COL7A1: variants seen among roughly 807,000 people sequenced by gnomAD.
COL7A1 encodes the protein collagen type VII alpha 1 chain, also known as collagen alpha-1(VII) chain.
Under a neutral mutation model 456.2 loss-of-function variants are expected in COL7A1, and 296 were observed. The ratio of observed to expected loss-of-function variants is 0.65; its 90% CI spans 0.59 to 0.71. The LOEUF (loss-of-function observed/expected upper bound fraction) is 0.71. Among genes scored for constraint, COL7A1 ranks in the 30% least tolerant of loss-of-function variants. The pLI is 0.00. For missense variants in COL7A1, 3,441 were observed against 4,017.2 expected, an observed-to-expected ratio of 0.86 and a Z score of 3.88; for synonymous variants, 1,464 against 1,525.9, an observed-to-expected ratio of 0.96 and a Z score of 0.95.
In COL7A1 at chr3:48,583,728, T is replaced by G; in HGVS notation, c.4331A>C (p.Lys1444Thr). 1.2e-6 allele frequency: 2 copies of G among 1,613,998 alleles called. No individual in the cohort carries two copies. The highest frequency in any genetic ancestry group is 1.7e-6 in the Non-Finnish European group (2 of 1,179,966). Residue 1444 changes from lysine (K) to threonine (T), a missense_variant, in exon 40 of 119, where the codon AAA (lysine) becomes ACA (threonine). This residue lies in a region of COL7A1 where 2,084 missense variants were observed against 2,501.3 expected (regional missense o/e 0.83). Transcript: ENST00000681320. The surrounding 1 kb of genome is among the most constrained non-coding windows in gnomAD (Gnocchi z 5.1). ...AGTCAGCCTTCCTACTTTTTCTCCTTTCTTTCCAGGGGGGCCAACGGGGCC... is the reference window on the plus strand; with the variant it reads ...AGTCAGCCTTCCTACTTTTTCTCCTGTCTTTCCAGGGGGGCCAACGGGGCC... ...PQGPVGPPGK[K>T]GEKGDSEDGA...
In COL7A1 at chr3:48,575,874, C is replaced by T. The variant is rs143368099; in HGVS notation, c.5849G>A (p.Gly1950Asp). 3 of 1,614,046 alleles carry T rather than the reference C, an allele frequency of 1.9e-6. No individual in the cohort carries two copies. The African/African-American group carries it at 4.0e-5, about 22-fold the overall frequency. Residue 1950 changes from glycine (G) to aspartate (D), a missense_variant, in exon 72 of 119, where the codon GGC becomes GAC. Gly to Asp is a moderately conservative substitution (Grantham distance 94). Transcript: ENST00000681320. The surrounding 1 kb of genome is among the most constrained non-coding windows in gnomAD (Gnocchi z 6.3). ...PNVDRLLETA[G>D]IKASALREIV... ...AGCCCCTAAACAACCCACCTTGATG[C>T]CAGCAGTTTCCAGCAACCGATCCAC...
Position 48,571,252 on chromosome 3 carries a change from T to C in COL7A1, c.7095A>G (p.Lys2365=), listed in dbSNP as rs748904295. 11 of 1,614,016 alleles carry C rather than the reference T, an allele frequency of 6.8e-6. No individual in the cohort carries two copies. The highest frequency in any genetic ancestry group is 9.3e-6 in the Non-Finnish European group (11 of 1,180,032). The change falls in exon 93 of 119, where the codon AAA becomes AAG. Residue 2365 remains lysine (K), a synonymous_variant. Transcript: ENST00000681320. This position sits in a 1 kb window ranked among gnomAD's most constrained non-coding sequence, Gnocchi z 4.6. The stretch of plus-strand genomic sequence containing the variant: ...TTCTGGGTACACATACCTTGAAACC[T>C]TTGGGTCCTGGAGCCCCTTTCTGAC... ...EDGQKGAPGP[K]GFKGDPGVGV...
chr3:48,594,605 C>A lies in COL7A1; in HGVS notation c.86-57G>T. 8 of 1,523,570 alleles carry A rather than the reference C, an allele frequency of 5.3e-6. No homozygotes were observed. The highest frequency in any genetic ancestry group is 1.4e-5 in the African/African-American group (1 of 72,748). 94.4% of individuals were successfully genotyped at this position (1,523,570 alleles called of 1,614,324 possible). On this transcript the variant is annotated intron_variant, in intron 2 of 118. Coordinates refer to ENST00000681320, the MANE Select transcript of COL7A1 (RefSeq NM_000094.4). The surrounding 1 kb of genome is among the most constrained non-coding windows in gnomAD (Gnocchi z 5.5). ...CTGGGAGGCCAACCACCCGCCTACC[C>A]GCACGGTGGCCTCACTGGGACTTGG...
rs1484654152 is a variant in COL7A1 at position 48,571,924 on chromosome 3, C to G, written c.7068+77G>C. On this transcript the variant is annotated intron_variant, in intron 92 of 118. Transcript: ENST00000681320. This position sits in a 1 kb window ranked among gnomAD's most constrained non-coding sequence, Gnocchi z 4.6. The stretch of plus-strand genomic sequence containing the variant: ...GACTCAGGGGCTCAGACATGTGCCC[C>G]GGCCCAAGAGTGGCCCCTTATGCCC... 1.3e-6 allele frequency: 2 copies of G among 1,548,180 alleles called. No individual in the cohort carries two copies. Among genetic ancestry groups the G allele is most frequent in the Non-Finnish European group, 1.8e-6 (2 of 1,133,900 alleles).
In COL7A1 at chr3:48,578,943, G is replaced by T. The variant is rs868485210; in HGVS notation, c.5400C>A (p.Gly1800=). 8.1e-6 allele frequency: 13 copies of T among 1,613,838 alleles called. No individual in the cohort carries two copies. The Middle Eastern group carries it at 4.9e-4, about 61-fold the overall frequency. The change falls in exon 63 of 119, where the codon GGC becomes GGA. Residue 1800 remains glycine (G), a synonymous_variant. Transcript: ENST00000681320. The surrounding 1 kb of genome is among the most constrained non-coding windows in gnomAD (Gnocchi z 4.7). The part of the protein sequence containing the change: ...AGPSGPNGAA[G]KAGDPGRDGL... The stretch of plus-strand genomic sequence containing the variant: ...CGTCTCTCCCTGGGTCCCCAGCTTT[G>T]CCTGCAGCACCCTGAGGAGAGACTC...
chr3:48,564,872 C>A lies in COL7A1; in HGVS notation c.8729G>T (p.Gly2910Val), dbSNP rs1242922135. ...STEACHPFVY[G>V]GCGGNANRFG... ...ACGGTTGGCATTCCCTCCACAGCCA[C>A]CATAGACAAAAGGGTGACAGGCCTC... Residue 2910 changes from glycine (G) to valine (V), a missense_variant, in exon 118 of 119, where the codon GGT (glycine) becomes GTT (valine). Coordinates refer to ENST00000681320, the MANE Select transcript of COL7A1 (RefSeq NM_000094.4). This position sits in a 1 kb window ranked among gnomAD's most constrained non-coding sequence, Gnocchi z 6.0. The A allele has an allele frequency of 3.1e-6, 5 of 1,614,078 alleles. No individual in the cohort carries two copies. The African/African-American group carries it at 6.7e-5, about 22-fold the overall frequency.
chr3:48,582,547 A>G (rs1466199679), intron 45 of COL7A1, 34 bp from the exon 46 acceptor site: 1 of 1,613,730 alleles, frequency 6.2e-7, no homozygotes, highest in Non-Finnish European at 8.5e-7. Flanking sequence ...CCAGGAGGGG[A>G]AGGGAAAGGG....
rs1232412718 is a variant in COL7A1 at position 48,590,269 on chromosome 3, A to T, written c.1994T>A (p.Val665Glu). The T allele has an allele frequency of 1.2e-6, 2 of 1,613,868 alleles. No homozygotes were observed. The highest frequency in any genetic ancestry group is 1.7e-6 in the Non-Finnish European group (2 of 1,179,996). Residue 665 changes from valine to glutamate, a missense_variant, in exon 16 of 119, where the codon GTG (valine) becomes GAG (glutamate). Transcript: ENST00000681320. The surrounding 1 kb of genome is among the most constrained non-coding windows in gnomAD (Gnocchi z 4.6). ...LQPGTTYQVAVSVLRGREEGP... is the reference protein window; with the variant it reads ...LQPGTTYQVAESVLRGREEGP... ...CTCCTCTCTGCCTCGCAGTACCGAC[A>T]CAGCCACCTGGTAGGTGGTTCCAGG... is the stretch of plus-strand genomic sequence containing the variant.
Position 48,569,661 on chromosome 3 carries a change from G to C in COL7A1, c.7558-13C>G. 6.2e-7 allele frequency: 1 copy of C among 1,613,968 alleles called. No homozygotes were observed. The highest frequency in any genetic ancestry group is 8.5e-7 in the Non-Finnish European group (1 of 1,179,968). On this transcript the variant is annotated splice_polypyrimidine_tract_variant and intron_variant, in intron 101 of 118. Coordinates refer to ENST00000681320, the MANE Select transcript of COL7A1 (RefSeq NM_000094.4). This position sits in a 1 kb window ranked among gnomAD's most constrained non-coding sequence, Gnocchi z 4.9. ...CAGCTGAGTCTCCCTGAGGGGGCAG[G>C]CAGGAATCAGAGGAGTCGGGAGCAC...
In COL7A1 at chr3:48,581,641, G is replaced by A. The variant is rs1489315131; in HGVS notation, c.4723-9C>T. ...ACCAAGCCGGGTGGGCCCTGTGGATGGAAGGATAAGAAGTCAGGAAGACAA... is the reference window on the plus strand; with the variant it reads ...ACCAAGCCGGGTGGGCCCTGTGGATAGAAGGATAAGAAGTCAGGAAGACAA... On this transcript the variant is annotated splice_polypyrimidine_tract_variant and intron_variant, in intron 49 of 118. Transcript: ENST00000681320. The surrounding 1 kb of genome is among the most constrained non-coding windows in gnomAD (Gnocchi z 5.8). 1 of 1,614,054 alleles carries A rather than the reference G, an allele frequency of 6.2e-7. No individual in the cohort carries two copies. The highest frequency in any genetic ancestry group is 8.5e-7 in the Non-Finnish European group (1 of 1,180,036).
chr3:48,567,255 A>T lies in COL7A1; in HGVS notation c.8047-65T>A. On this transcript the variant is annotated intron_variant, in intron 109 of 118. Coordinates refer to ENST00000681320, the MANE Select transcript of COL7A1 (RefSeq NM_000094.4). The surrounding 1 kb of genome is among the most constrained non-coding windows in gnomAD (Gnocchi z 4.3). ...CTCCCTCAGCTCTGGAACCTCCCTGAACTCCCATGAGCTCCCTGGCCTAAT... is the reference window on the plus strand; with the variant it reads ...CTCCCTCAGCTCTGGAACCTCCCTGTACTCCCATGAGCTCCCTGGCCTAAT... 6.3e-7 allele frequency: 1 copy of T among 1,589,374 alleles called. No individual in the cohort carries two copies. Among genetic ancestry groups the T allele is most frequent in the Non-Finnish European group, 8.6e-7 (1 of 1,161,514 alleles).
chr3:48,583,739 G>T lies in COL7A1; in HGVS notation c.4320C>A (p.Pro1440=). Residue 1440 remains proline (P), a synonymous_variant, in exon 40 of 119, where the codon CCC becomes CCA. Transcript: ENST00000681320. The surrounding 1 kb of genome is among the most constrained non-coding windows in gnomAD (Gnocchi z 5.1). ...CTACTTTTTCTCCTTTCTTTCCAGG[G>T]GGGCCAACGGGGCCTTGGGGTCCAG... ...GSPGPQGPVG[P]PGKKGEKGDS... 1 of 1,614,014 alleles carries T rather than the reference G, an allele frequency of 6.2e-7. No individual in the cohort carries two copies. Among genetic ancestry groups the T allele is most frequent in the African/African-American group, 1.3e-5 (1 of 75,014 alleles).
At position 48,591,649 on chromosome 3, in the gene COL7A1, T is replaced by A; in HGVS notation, c.1507+24A>T. On this transcript the variant is annotated intron_variant, in intron 12 of 118. Coordinates refer to ENST00000681320, the MANE Select transcript of COL7A1 (RefSeq NM_000094.4). The surrounding 1 kb of genome is among the most constrained non-coding windows in gnomAD (Gnocchi z 7.0). ...GGGCTCCGACACCTCCCCCACTCAC[T>A]GGCCCAGCCCACAGAGCCCTCACCA... 1 of 1,613,790 alleles carries A rather than the reference T, an allele frequency of 6.2e-7. No individual in the cohort carries two copies. Among genetic ancestry groups the A allele is most frequent in the Non-Finnish European group, 8.5e-7 (1 of 1,179,992 alleles).
In COL7A1 at chr3:48,591,549, G is replaced by A. The variant is rs199556963; in HGVS notation, c.1551C>T (p.Thr517=). The A allele has an allele frequency of 3.1e-5, 50 of 1,613,880 alleles. No homozygotes were observed. Among genetic ancestry groups the A allele is most frequent in the Admixed American group, 2.2e-4 (13 of 60,018 alleles). The change falls in exon 13 of 119, where the codon ACC becomes ACT. Residue 517 remains threonine, a synonymous_variant. Transcript: ENST00000681320. The surrounding 1 kb of genome is among the most constrained non-coding windows in gnomAD (Gnocchi z 7.0). ...PVSPVTDLQA[T]ELPGQRVRVS... is the part of the protein sequence containing the mutation. ...CTCGCACCCGCTGCCCGGGCAGCTCGGTGGCTTGCAGGTCTGTTACAGGGC... is the reference window on the plus strand; with the variant it reads ...CTCGCACCCGCTGCCCGGGCAGCTCAGTGGCTTGCAGGTCTGTTACAGGGC...
Position 48,580,497 on chromosome 3 carries a change from A to G in COL7A1, c.5052+84T>C. On this transcript the variant is annotated intron_variant, in intron 55 of 118. Transcript: ENST00000681320. The surrounding 1 kb of genome is among the most constrained non-coding windows in gnomAD (Gnocchi z 4.5). The stretch of plus-strand genomic sequence containing the variant: ...GAAGATTGGGAGGGTTTAGCATTAC[A>G]GGGTTGGGGGGTAGGATCAGGTATT... 1 of 1,522,638 alleles carries G rather than the reference A, an allele frequency of 6.6e-7. No individual in the cohort carries two copies. The highest frequency in any genetic ancestry group is 9.0e-7 in the Non-Finnish European group (1 of 1,105,846). 94.3% of individuals were successfully genotyped at this position (1,522,638 alleles called of 1,614,324 possible). A position where few individuals can be genotyped will look rare whatever the true frequency, so the allele number is the denominator to read the frequency against.
In COL7A1 at chr3:48,581,379, G is replaced by C; in HGVS notation, c.4819-39C>G. Reference sequence around the variant, plus strand: ...AAGAGGGAGGTGATGCAGGACGCTCGAAGCAAGCAGTTCTCAAGGGGAGGG... The same window carrying C: ...AAGAGGGAGGTGATGCAGGACGCTCCAAGCAAGCAGTTCTCAAGGGGAGGG... On this transcript the variant is annotated intron_variant, in intron 51 of 118. Transcript: ENST00000681320. The surrounding 1 kb of genome is among the most constrained non-coding windows in gnomAD (Gnocchi z 5.8). 6.2e-7 allele frequency: 1 copy of C among 1,613,684 alleles called. No individual in the cohort carries two copies.
chr3:48,583,122 C>T lies in COL7A1; in HGVS notation c.4482+5G>A. On this transcript the variant is annotated splice_donor_5th_base_variant and intron_variant, in intron 43 of 118. Transcript: ENST00000681320. This position sits in a 1 kb window ranked among gnomAD's most constrained non-coding sequence, Gnocchi z 5.1. ...GGCCCTTGGCACCCCCCAGGTTGCACTTACCTTCTCTCCAGCCTCACCCAG... is the reference window on the plus strand; with the variant it reads ...GGCCCTTGGCACCCCCCAGGTTGCATTTACCTTCTCTCCAGCCTCACCCAG... The T allele has an allele frequency of 6.2e-7, 1 of 1,613,988 alleles. No homozygotes were observed. The highest frequency in any genetic ancestry group is 1.7e-5 in the Admixed American group (1 of 60,020).
Position 48,568,731 on chromosome 3 carries a change from T to C in COL7A1, c.7758+53A>G. ...AGAGGACCCCCAGGATATGTGTGTG[T>C]GTGATGCTGGCTCTGGACCTGGGCC... On this transcript the variant is annotated intron_variant, in intron 104 of 118. Coordinates refer to ENST00000681320, the MANE Select transcript of COL7A1 (RefSeq NM_000094.4). This position sits in a 1 kb window ranked among gnomAD's most constrained non-coding sequence, Gnocchi z 5.2. The C allele has an allele frequency of 6.5e-7, 1 of 1,535,318 alleles. No individual in the cohort carries two copies. Among genetic ancestry groups the C allele is most frequent in the Non-Finnish European group, 8.8e-7 (1 of 1,132,578 alleles).
Position 48,573,575 on chromosome 3 carries a change from G to A in COL7A1, c.6574-18C>T. ...GCAAGACCCTAGAGAAAAGGGTCAAGGGCAGGGAACAGGGCTCAGGGATTA... is the reference window on the plus strand; with the variant it reads ...GCAAGACCCTAGAGAAAAGGGTCAAAGGCAGGGAACAGGGCTCAGGGATTA... On this transcript the variant is annotated intron_variant, in intron 82 of 118. Transcript: ENST00000681320. This position sits in a 1 kb window ranked among gnomAD's most constrained non-coding sequence, Gnocchi z 5.5. 6.2e-7 allele frequency: 1 copy of A among 1,614,074 alleles called. No individual in the cohort carries two copies. The highest frequency in any genetic ancestry group is 2.2e-5 in the East Asian group (1 of 44,874).
Sources: gnomAD v4.1 joint callset for allele counts on GRCh38, gnomAD v4.1.1 for gene constraint, gnomAD v4.1.1 regional missense constraint, Gnocchi (gnomAD v3.1) non-coding constraint, MANE v1.5 for transcripts, NCBI Gene and HGNC (gene_info 2026-07-23, HGNC 2026-07-21) for gene names.